Variants in CREBRF observed in about 807,000 individuals in gnomAD.
CREBRF encodes the protein CREB3 regulatory factor.
CREBRF carries 5 observed loss-of-function variants against 66.1 expected under a neutral mutation model. The observed-to-expected ratio is 0.08, with a 90% CI of 0.04 to 0.16. The LOEUF is 0.16. CREBRF is among the 10% of genes least tolerant of loss of function. The probability of loss-of-function intolerance (pLI) is 1.00; values close to 1 mark genes in which losing one functional copy is unlikely to be tolerated. For synonymous variants in CREBRF, 229 were observed against 264.4 expected (o/e 0.87, Z 1.30); for missense variants, 531 against 744.9 (o/e 0.71, Z 3.34).
At position 173,108,763 on chromosome 5, in the gene CREBRF, G is replaced by A. The variant is rs747557168; in HGVS notation, c.1362G>A (p.Glu454=). Residue 454 remains glutamate, a synonymous_variant, in exon 5 of 9, where the codon GAG becomes GAA. Coordinates refer to ENST00000296953, the MANE Select transcript of CREBRF (RefSeq NM_153607.3). Reference sequence around the variant, plus strand: ...AAGAGAGGATGCTGAGACCATCTGAGTGGAACCGAGATACTTTGCCAAGTA... The same window carrying A: ...AAGAGAGGATGCTGAGACCATCTGAATGGAACCGAGATACTTTGCCAAGTA... ...SQQERMLRPS[E]WNRDTLPSNM... The A allele has an allele frequency of 1.2e-6, 2 of 1,614,020 alleles. No homozygotes were observed. The highest frequency in any genetic ancestry group is 1.7e-6 in the Non-Finnish European group (2 of 1,179,988).
intron 1 of CREBRF, among the ~76,000 whole-genome samples, chr5:173,079,636 A>T (rs1056640918): frequency 6.6e-6 from 1 of 152,120 alleles, no homozygotes; most frequent in African/African-American, 2.4e-5. Flanking sequence ...GTGGTTCTCA[A>T]ACTTTAGAGA....
intron 4 of CREBRF, among the ~76,000 whole-genome samples, chr5:173,103,852 C>G (rs1273032214): frequency 6.6e-6 from 1 of 152,156 alleles, no homozygotes; most frequent in African/African-American, 2.4e-5. Context: ...CTGTACTAAC[C>G]AGAGATGTGT....
intron 1 of CREBRF, among the ~76,000 whole-genome samples, chr5:173,070,917 G>C (rs1381252357): frequency 6.6e-6 from 1 of 152,104 alleles, no homozygotes; most frequent in African/African-American, 2.4e-5. Flanking sequence ...GCCATCTCTT[G>C]TGTGGATGAC....
chr5:173,074,147 A>C (rs1363401729), intron 1 of CREBRF, among the ~76,000 whole-genome samples: 1 of 151,924 alleles, frequency 6.6e-6, no homozygotes, highest in Admixed American at 6.6e-5. Flanking sequence ...TACTAAAAAT[A>C]CAAAATTAGC....
Position 173,085,894 on chromosome 5 carries a change from C to T in CREBRF, c.10-607C>T, listed in dbSNP as rs999667359. On this transcript the variant is annotated intron_variant, in intron 2 of 8. Transcript: ENST00000296953. ...TGAGATCAGTTTGGGTCCCAACAAGCAAGAAAGGAGTCTTTGGGACAGTTA... is the reference window on the plus strand; with the variant it reads ...TGAGATCAGTTTGGGTCCCAACAAGTAAGAAAGGAGTCTTTGGGACAGTTA... 8 of 878,264 alleles carry T rather than the reference C, an allele frequency of 9.1e-6. No homozygotes were observed. The African/African-American group carries it at 9.9e-5, about 11-fold the overall frequency. The allele number at this position is 878,264 out of a possible 1,614,324, so 54.4% of individuals were successfully genotyped here.
chr5:173,071,821 C>CA (rs1435607271), intron 1 of CREBRF, among the ~76,000 whole-genome samples: 4 of 151,002 alleles, frequency 2.6e-5, no homozygotes, highest in South Asian at 4.6e-4. Flanking sequence ...TTTGGGAGGC[C>CA]AAGGCAGGCG....
chr5:173,056,507 C>A lies in CREBRF; in HGVS notation c.-192+28C>A, dbSNP rs1275236385. The A allele has an allele frequency of 3.0e-5, 12 of 398,080 alleles. No homozygotes were observed. The East Asian group carries it at 4.3e-4, about 14-fold the overall frequency. 24.7% of individuals were successfully genotyped at this position (398,080 alleles called of 1,614,324 possible). Reference sequence around the variant, plus strand: ...GAGCGCCGCCACCCGCTGCTCGGAACCCCCAGGGGCCTGGGCTGGGGGAAG... The same window carrying A: ...GAGCGCCGCCACCCGCTGCTCGGAAACCCCAGGGGCCTGGGCTGGGGGAAG... On this transcript the variant is annotated intron_variant, in intron 1 of 8. Coordinates refer to ENST00000296953, the MANE Select transcript of CREBRF (RefSeq NM_153607.3).
chr5:173,074,878 C>A (rs541233803), intron 1 of CREBRF, among the ~76,000 whole-genome samples: 1 of 152,192 alleles, frequency 6.6e-6, no homozygotes, highest in East Asian at 1.9e-4. Context: ...GCCTCATCCT[C>A]CCAAAGTGTT....
intron 1 of CREBRF, among the ~76,000 whole-genome samples, chr5:173,059,260 T>C (rs970431389): frequency 4.1e-4 from 32 of 77,130 alleles, no homozygotes; most frequent in Admixed American, 2.5e-3. Context: ...CTTTTTCTTT[T>C]TTTTCTTTTT....
intron 2 of CREBRF, among the ~76,000 whole-genome samples, chr5:173,084,533 G>C (rs1452585702): frequency 6.6e-6 from 1 of 152,214 alleles, no homozygotes; most frequent in Non-Finnish European, 1.5e-5. Context: ...AACTAGTACT[G>C]GGAGGGGGAA....
At position 173,106,372 on chromosome 5, in the gene CREBRF, G is replaced by A. The variant is rs549351580; in HGVS notation, c.1223-2252G>A. Among the ~76,000 whole-genome samples, 7 of 151,750 alleles carry A rather than the reference G, an allele frequency of 4.6e-5. No individual in the cohort carries two copies. In the East Asian group the frequency reaches 1.4e-3, roughly 30 times the overall value. On this transcript the variant is annotated intron_variant, in intron 4 of 8. Coordinates refer to ENST00000296953, the MANE Select transcript of CREBRF (RefSeq NM_153607.3). ...GTGAACCTGGGAGGCGGAGCTTGCA[G>A]TGAGCCAAGATCGTGCCACTGCACT...
intron 1 of CREBRF, among the ~76,000 whole-genome samples, chr5:173,072,931 A>G (rs1447617706): frequency 6.6e-6 from 1 of 152,178 alleles, no homozygotes; most frequent in Non-Finnish European, 1.5e-5. Context: ...GATTCAACAA[A>G]ATGAGTAGGG....
At chr5:173,102,758 G>T (rs1463492602) in intron 4 of CREBRF, among the ~76,000 whole-genome samples, 1 of 152,094 alleles carries the variant, frequency 6.6e-6, no homozygotes, top group Non-Finnish European at 1.5e-5. Context: ...TGTGAGCCTG[G>T]AGTCCAGGAC....
chr5:173,063,595 C>T (rs918305698), intron 1 of CREBRF, among the ~76,000 whole-genome samples: 5 of 152,114 alleles, frequency 3.3e-5, no homozygotes, highest in Non-Finnish European at 7.4e-5. Flanking sequence ...TCTTGAACTC[C>T]TGACCTCAGG....
chr5:173,083,705 A>G (rs1225826532), intron 2 of CREBRF, among the ~76,000 whole-genome samples: 1 of 152,210 alleles, frequency 6.6e-6, no homozygotes, highest in African/African-American at 2.4e-5. Flanking sequence ...GGAATTCTCT[A>G]CTGATAGTTA....
chr5:173,060,900 G>A (rs1001719141), intron 1 of CREBRF, among the ~76,000 whole-genome samples: 1 of 152,184 alleles, frequency 6.6e-6, no homozygotes, highest in African/African-American at 2.4e-5. Context: ...GTCAGGCTGT[G>A]CCTCTATTTG....
chr5:173,131,811 C>G (rs1405564803), intron 8 of CREBRF, among the ~76,000 whole-genome samples: 1 of 152,118 alleles, frequency 6.6e-6, no homozygotes, highest in African/African-American at 2.4e-5. Context: ...CAGCTCACTG[C>G]AACCTCTGCC....
chr5:173,073,562 T>C (rs547022537), intron 1 of CREBRF, among the ~76,000 whole-genome samples: 5 of 152,344 alleles, frequency 3.3e-5, no homozygotes, highest in African/African-American at 1.2e-4. Context: ...AACAACTTAA[T>C]TGACAGATAC....
chr5:173,107,289 G>GTTTT (rs1201714004), intron 4 of CREBRF, among the ~76,000 whole-genome samples: 2 of 152,094 alleles, frequency 1.3e-5, no homozygotes, highest in Non-Finnish European at 2.9e-5. Context: ...GTTACCTTAG[G>GTTTT]TTTGGATTGT....
Sources: gnomAD v4.1 joint callset for allele counts (sites outside exome capture counted in the v4.1 genomes callset) on GRCh38, gnomAD v4.1.1 for gene constraint, MANE v1.5 for transcripts, NCBI Gene and HGNC (gene_info 2026-07-23, HGNC 2026-07-21) for gene names.